Variants in SRGAP1 observed in about 807,000 individuals in gnomAD.
SRGAP1 encodes SLIT-ROBO Rho GTPase-activating protein 1.
Under a neutral mutation model 121.9 loss-of-function variants are expected in SRGAP1, and 43 were observed. The observed-to-expected ratio is 0.35, with a 90% CI of 0.28 to 0.46. SRGAP1 has a LOEUF of 0.46. Ranked by LOEUF, SRGAP1 falls within the 20% of genes least tolerant of loss-of-function variation. The pLI is 1.00. For missense variants in SRGAP1, 1,102 were observed against 1,350.9 expected, an observed-to-expected ratio of 0.82 and a Z score of 2.89; for synonymous variants, 447 against 485.4, an observed-to-expected ratio of 0.92 and a Z score of 1.04.
rs974312571 is a variant in SRGAP1 at position 64,152,197 on chromosome 12, C to T, written c.*9525C>T. The T allele has an allele frequency of 6.6e-6, 1 of 152,164 alleles. No individual in the cohort carries two copies. The highest frequency in any genetic ancestry group is 2.4e-5 in the African/African-American group (1 of 41,432). 9.4% of individuals were successfully genotyped at this position (152,164 alleles called of 1,614,324 possible). A position where few individuals can be genotyped will look rare whatever the true frequency, so the allele number is the denominator to read the frequency against. Reference sequence around the variant, plus strand: ...AGACTCCATGCTACAAATGTTAACCCTCATAAGAAAGCCAAGAGAGCCACA... The same window carrying T: ...AGACTCCATGCTACAAATGTTAACCTTCATAAGAAAGCCAAGAGAGCCACA... On this transcript the variant is annotated 3_prime_UTR_variant, in exon 22 of 22. Coordinates refer to ENST00000355086, the MANE Select transcript of SRGAP1 (RefSeq NM_020762.4).
chr12:63,933,958 A>G (rs977487112), intron 1 of SRGAP1, among the ~76,000 whole-genome samples: 1 of 152,224 alleles, frequency 6.6e-6, no homozygotes, highest in African/African-American at 2.4e-5. Context: ...AATATAAGTA[A>G]TTCTGGCACA....
chr12:63,877,397 G>A (rs73126642), intron 1 of SRGAP1, among the ~76,000 whole-genome samples: 90 of 152,088 alleles, frequency 5.9e-4, no homozygotes, highest in Non-Finnish European at 1.1e-3. Flanking sequence ...TTAAATGCAC[G>A]TTGTTCTTCT....
At chr12:64,079,257 T>A in intron 9 of SRGAP1, 141 bp downstream of exon 9, 2 of 896,602 alleles carry the variant, frequency 2.2e-6, no homozygotes, top group Non-Finnish European at 3.3e-6. Flanking sequence ...CCTGATTCAG[T>A]CAGTTTCGGA....
chr12:63,873,235 A>G (rs1398651595), intron 1 of SRGAP1, among the ~76,000 whole-genome samples: 1 of 152,128 alleles, frequency 6.6e-6, no homozygotes, highest in Non-Finnish European at 1.5e-5. Context: ...TAGATTAGAA[A>G]ACTGAGGAAA....
intron 15 of SRGAP1, among the ~76,000 whole-genome samples, chr12:64,106,207 G>T (rs1314598778): frequency 6.6e-6 from 1 of 152,132 alleles, no homozygotes; most frequent in East Asian, 1.9e-4. Context: ...AAACACCCAA[G>T]ATTCTCAATA....
At chr12:63,911,483 C>T (rs1407791746) in intron 1 of SRGAP1, among the ~76,000 whole-genome samples, 3 of 152,106 alleles carry the variant, frequency 2.0e-5, no homozygotes, top group East Asian at 1.9e-4. Context: ...TTTGTCTAGA[C>T]GGCTGTGCCC....
chr12:64,093,012 A>G (rs911893924), intron 12 of SRGAP1, among the ~76,000 whole-genome samples: 3 of 152,182 alleles, frequency 2.0e-5, no homozygotes. Flanking sequence ...CACATTGAAG[A>G]ATCTTTGGTA....
Position 64,126,114 on chromosome 12 carries a change from A to G in SRGAP1, c.2362A>G (p.Ile788Val). 6.2e-7 allele frequency: 1 copy of G among 1,614,150 alleles called. No homozygotes were observed. Among genetic ancestry groups the G allele is most frequent in the African/African-American group, 1.3e-5 (1 of 75,036 alleles). The change falls in exon 19 of 22, where the codon ATT (isoleucine) becomes GTT (valine). Residue 788 changes from isoleucine to valine, a missense_variant. Ile to Val is a conservative substitution (Grantham distance 29). Coordinates refer to ENST00000355086, the MANE Select transcript of SRGAP1 (RefSeq NM_020762.4). Reference sequence around the variant, plus strand: ...CTGGTGGGAAGGCAGGCACAACGGGATTGACGGGCTGGTGCCTCACCAGTA... The same window carrying G: ...CTGGTGGGAAGGCAGGCACAACGGGGTTGACGGGCTGGTGCCTCACCAGTA... ...EDWWEGRHNG[I>V]DGLVPHQYIV...
intron 4 of SRGAP1, among the ~76,000 whole-genome samples, chr12:64,019,643 A>T (rs1169036134): frequency 6.6e-6 from 1 of 152,190 alleles, no homozygotes; most frequent in Non-Finnish European, 1.5e-5. Context: ...CTTCAGATAC[A>T]CAAACTCTGT....
chr12:63,883,429 T>C (rs1458731741), intron 1 of SRGAP1, among the ~76,000 whole-genome samples: 1 of 152,184 alleles, frequency 6.6e-6, no homozygotes, highest in Non-Finnish European at 1.5e-5. Flanking sequence ...ATATGGTAGA[T>C]TGACACATCT....
chr12:63,985,893 G>C (rs181097962), intron 2 of SRGAP1, among the ~76,000 whole-genome samples: 12 of 152,304 alleles, frequency 7.9e-5, no homozygotes, highest in Admixed American at 5.2e-4. Flanking sequence ...AGGGGCTGTG[G>C]AGAAGCATGC....
At chr12:63,972,604 A>G (rs1276538123) in intron 1 of SRGAP1, among the ~76,000 whole-genome samples, 1 of 152,212 alleles carries the variant, frequency 6.6e-6, no homozygotes, top group African/African-American at 2.4e-5. Context: ...AGTACCTACT[A>G]TGTGTTCTGT....
chr12:64,013,309 CAGGATTCAGATT>C (rs1431131854), intron 3 of SRGAP1, among the ~76,000 whole-genome samples: 5 of 152,152 alleles, frequency 3.3e-5, no homozygotes, highest in Non-Finnish European at 5.9e-5. Flanking sequence ...ACCATGTCCC[CAGGATTCAGATT>C]AGGACTTGAT....
intron 1 of SRGAP1, among the ~76,000 whole-genome samples, chr12:63,943,124 A>AT (rs201199907): frequency 1.6e-4 from 25 of 151,666 alleles, no homozygotes; most frequent in African/African-American, 5.1e-4. Flanking sequence ...GAGAAACAGT[A>AT]TTTTTTTTTC....
chr12:63,961,871 G>A (rs1271744800), intron 1 of SRGAP1, among the ~76,000 whole-genome samples: 3 of 152,192 alleles, frequency 2.0e-5, no homozygotes, highest in South Asian at 4.1e-4. Context: ...AGTGACGGAG[G>A]TCGGGGGCTG....
At chr12:63,989,467 A>T (rs1421477653) in intron 2 of SRGAP1, among the ~76,000 whole-genome samples, 1 of 152,238 alleles carries the variant, frequency 6.6e-6, no homozygotes, top group Non-Finnish European at 1.5e-5. Context: ...ATAACTAGCC[A>T]AATTTCTTTT....
intron 1 of SRGAP1, among the ~76,000 whole-genome samples, chr12:63,911,383 G>A (rs1478557506): frequency 6.6e-6 from 1 of 151,640 alleles, no homozygotes; most frequent in Admixed American, 6.6e-5. Flanking sequence ...TCTTGCCTCT[G>A]GATTTCTTCA....
At chr12:64,030,515 T>C (rs904788526) in intron 4 of SRGAP1, among the ~76,000 whole-genome samples, 3 of 152,268 alleles carry the variant, frequency 2.0e-5, no homozygotes, top group Non-Finnish European at 4.4e-5. Flanking sequence ...TTCATTAGTT[T>C]TATTAAAGTA....
At chr12:63,890,757 G>GGA (rs1364234918) in intron 1 of SRGAP1, among the ~76,000 whole-genome samples, 2 of 152,152 alleles carry the variant, frequency 1.3e-5, no homozygotes, top group Non-Finnish European at 2.9e-5. Context: ...GCAGGCCCCA[G>GGA]GAGACGGGCA....
Sources: gnomAD v4.1 joint callset for allele counts (sites outside exome capture counted in the v4.1 genomes callset) on GRCh38, gnomAD v4.1.1 for gene constraint, MANE v1.5 for transcripts, NCBI Gene and HGNC (gene_info 2026-07-23, HGNC 2026-07-21) for gene names.